Variants in MCCC1 observed in about 807,000 individuals in gnomAD.
The protein encoded by MCCC1 is methylcrotonoyl-CoA carboxylase subunit alpha, mitochondrial.
Under a neutral mutation model 83.8 loss-of-function variants are expected in MCCC1, and 64 were observed. The observed-to-expected ratio is 0.76, with a 90% CI of 0.62 to 0.94. The LOEUF (loss-of-function observed/expected upper bound fraction) is 0.94, where lower values mean the gene tolerates loss of function less well. Ranked by LOEUF, MCCC1 falls within the 40% of genes least tolerant of loss-of-function variation. The pLI is 0.00. For synonymous variants in MCCC1, 322 were observed against 315.4 expected (o/e 1.02, Z -0.22); for missense variants, 807 against 904.7 (o/e 0.89, Z 1.39).
At chr3:183,044,139 A>G (rs1714337862) in intron 10 of MCCC1, among the ~76,000 whole-genome samples, 1 of 152,192 alleles carries the variant, frequency 6.6e-6, no homozygotes, top group South Asian at 2.1e-4. Flanking sequence ...AATAATCAAG[A>G]TTTTGGCGTC....
chr3:183,041,543 A>C (rs760421034), intron 11 of MCCC1, 24 bp downstream of exon 11: 45 of 1,613,488 alleles, frequency 2.8e-5, no homozygotes, highest in Non-Finnish European at 3.6e-5. Context: ...AAAGAGTGAG[A>C]CTTTTCATTT....
At chr3:183,100,026 G>T (rs1037100706), upstream of MCCC1, among the ~76,000 whole-genome samples, 1 of 152,170 alleles carries the variant, frequency 6.6e-6, no homozygotes, top group Non-Finnish European at 1.5e-5. Context: ...ACTACATGTA[G>T]ATGCTTCATG....
chr3:183,059,568 A>G (rs1019201082), intron 7 of MCCC1, among the ~76,000 whole-genome samples: 2 of 152,196 alleles, frequency 1.3e-5, no homozygotes, highest in African/African-American at 4.8e-5. Flanking sequence ...AGGATAGGAA[A>G]ATATTTTACT....
intron 10 of MCCC1, among the ~76,000 whole-genome samples, chr3:183,044,396 A>G (rs534680680): frequency 1.3e-5 from 2 of 152,340 alleles, no homozygotes; most frequent in South Asian, 4.1e-4. Context: ...ACAGTTATAA[A>G]CTTACATGTT....
At chr3:183,106,662 A>G (rs1159778859) in intron 1 of MCCC1, among the ~76,000 whole-genome samples, 1 of 151,838 alleles carries the variant, frequency 6.6e-6, no homozygotes, top group Non-Finnish European at 1.5e-5. Flanking sequence ...ATACCAGGCT[A>G]ATTTTTGTAT....
intron 14 of MCCC1, among the ~76,000 whole-genome samples, chr3:183,027,819 A>C (rs1712732569): frequency 1.3e-5 from 2 of 152,234 alleles, no homozygotes; most frequent in African/African-American, 4.8e-5. Context: ...AAGAGAAGTG[A>C]GGAAGCTGCA....
In MCCC1 at chr3:183,015,539, T is replaced by C. The variant is rs377671764; in HGVS notation, c.2077A>G (p.Thr693Ala). 1.9e-5 allele frequency: 31 copies of C among 1,614,064 alleles called. No homozygotes were observed. The African/African-American group carries it at 3.6e-4, about 19-fold the overall frequency. The change falls in exon 19 of 19, where the codon ACA (threonine) becomes GCA (alanine). Residue 693 changes from threonine (T) to alanine (A), a missense_variant. Thr to Ala is a moderately conservative substitution (Grantham distance 58). Transcript: ENST00000265594. The stretch of plus-strand genomic sequence containing the variant: ...TCTCTGTAGAACACTTTCTTTACTG[T>C]GCCATCCTTTGGAGACTTTATGGTA... ...EHTIKSPKDG[T>A]VKKVFYREGA...
intron 7 of MCCC1, among the ~76,000 whole-genome samples, chr3:183,067,336 A>C (rs1157224868): frequency 6.6e-6 from 1 of 152,248 alleles, no homozygotes; most frequent in Non-Finnish European, 1.5e-5. Flanking sequence ...GGCTGGGCTT[A>C]AATACAAAAA....
At position 183,035,758 on chromosome 3, in the gene MCCC1, G is replaced by A. The variant is rs552856770; in HGVS notation, c.1594+1460C>T. Among the ~76,000 whole-genome samples, 430 of 152,012 alleles carry A rather than the reference G, an allele frequency of 2.8e-3. 12 individuals are homozygous for A. In the South Asian group the frequency reaches 0.045, roughly 16 times the overall value. On this transcript the variant is annotated intron_variant, in intron 13 of 18. Coordinates refer to ENST00000265594, the MANE Select transcript of MCCC1 (RefSeq NM_020166.5). ...GATTTTTAAAAATTCTGTTTGCTCC[G>A]AAAGTCAGAGCTAGCCTGAAATGCA...
chr3:183,047,499 C>T (rs1450896277), intron 9 of MCCC1, among the ~76,000 whole-genome samples: 1 of 152,114 alleles, frequency 6.6e-6, no homozygotes, highest in Non-Finnish European at 1.5e-5. Flanking sequence ...GAAGAAGCAT[C>T]AGGTATGGCA....
At chr3:183,110,233 A>T (rs1349663523) in intron 1 of MCCC1, among the ~76,000 whole-genome samples, 1 of 152,022 alleles carries the variant, frequency 6.6e-6, no homozygotes. Flanking sequence ...TGCTGTGTAG[A>T]AGCTCTGTAG....
intron 9 of MCCC1, among the ~76,000 whole-genome samples, chr3:183,050,979 TGA>T (rs1714933694): frequency 6.6e-6 from 1 of 152,040 alleles, no homozygotes; most frequent in Admixed American, 6.6e-5. Flanking sequence ...ATTAAAACAA[TGA>T]GATACCAAAT....
chr3:183,017,031 C>G, intron 18 of MCCC1: 2 of 556,576 alleles, frequency 3.6e-6, no homozygotes, highest in East Asian at 3.1e-5. Flanking sequence ...TGATTCCAAG[C>G]TATTGATAAT....
upstream of MCCC1, among the ~76,000 whole-genome samples, chr3:183,099,917 C>A (rs7615451): frequency 0.032 from 4,850 of 152,196 alleles, 266 homozygotes; most frequent in African/African-American, 0.11. Flanking sequence ...AATCTTTAAA[C>A]CACCTGAGCT....
chr3:183,097,551 C>T (rs918888376), intron 1 of MCCC1, among the ~76,000 whole-genome samples: 12 of 152,176 alleles, frequency 7.9e-5, no homozygotes, highest in Non-Finnish European at 1.6e-4. Context: ...TGTGCCACTA[C>T]GCCTGGCTAA....
At chr3:183,026,656 G>T (rs1712629522) in intron 14 of MCCC1, among the ~76,000 whole-genome samples, 1 of 152,144 alleles carries the variant, frequency 6.6e-6, no homozygotes, top group African/African-American at 2.4e-5. Flanking sequence ...GTTGCAGTGA[G>T]CTGAGATCGC....
Position 183,020,197 on chromosome 3 carries a change from A to G in MCCC1, c.1910T>C (p.Leu637Ser). 6.2e-7 allele frequency: 1 copy of G among 1,614,142 alleles called. No homozygotes were observed. Among genetic ancestry groups the G allele is most frequent in the Non-Finnish European group, 8.5e-7 (1 of 1,179,962 alleles). Residue 637 changes from leucine to serine, a missense_variant, in exon 17 of 19, where the codon TTA (leucine) becomes TCA (serine). Coordinates refer to ENST00000265594, the MANE Select transcript of MCCC1 (RefSeq NM_020166.5). ...IEIDIPVPKY[L>S]SSVSSQETQG... ...AGTTTCTTGTGAGCTCACAGAAGAT[A>G]AGTATTTGGGGACTGGAATGTCAAT...
At chr3:183,058,160 G>A (rs1715563651) in intron 7 of MCCC1, among the ~76,000 whole-genome samples, 1 of 152,108 alleles carries the variant, frequency 6.6e-6, no homozygotes, top group African/African-American at 2.4e-5. Flanking sequence ...AAAGACCAAT[G>A]AAAAATTTTT....
At chr3:183,106,115 C>G (rs1006286768) in intron 1 of MCCC1, among the ~76,000 whole-genome samples, 10 of 135,572 alleles carry the variant, frequency 7.4e-5, no homozygotes, top group African/African-American at 2.6e-4. Context: ...AAACTACAAC[C>G]TTGCACAAAG....
Sources: allele counts gnomAD v4.1 joint callset (sites outside exome capture counted in the v4.1 genomes callset), GRCh38; gene constraint gnomAD v4.1.1; transcripts MANE v1.5; gene names NCBI Gene and HGNC (gene_info 2026-07-23, HGNC 2026-07-21).